Variants in GRM5 observed in about 807,000 individuals in gnomAD.
GRM5 encodes metabotropic glutamate receptor 5.
In GRM5, 19 loss-of-function variants were observed where a neutral mutation model predicts 83.1. The observed-to-expected ratio is 0.23, with a 90% confidence interval of 0.16 to 0.34. GRM5 has a LOEUF of 0.34. Ranked by LOEUF, GRM5 falls within the 10% of genes least tolerant of loss-of-function variation. The pLI, the probability that GRM5 is intolerant of heterozygous loss-of-function variation, is 1.00. For synonymous variants in GRM5, 675 were observed against 633.6 expected (o/e 1.07, Z -0.98); for missense variants, 1,160 against 1,588.3 (o/e 0.73, Z 4.58).
intron 3 of GRM5, among the ~76,000 whole-genome samples, chr11:88,825,144 C>T (rs1019590183): frequency 4.0e-5 from 6 of 151,502 alleles, no homozygotes; most frequent in African/African-American, 1.5e-4. Flanking sequence ...TTTTTATTAC[C>T]TATCTGATGG....
intron 3 of GRM5, among the ~76,000 whole-genome samples, chr11:88,742,609 G>A (rs1000061): frequency 0.55 from 83,517 of 151,856 alleles, 24,386 homozygotes; most frequent in South Asian, 0.82. Flanking sequence ...GTTCCTTTCT[G>A]TGAAGAGCCT....
chr11:88,956,615 G>A (rs1346645310), intron 2 of GRM5, among the ~76,000 whole-genome samples: 1 of 151,238 alleles, frequency 6.6e-6, no homozygotes, highest in African/African-American at 2.4e-5. Flanking sequence ...GACCATCCTG[G>A]CTAACACGGT....
intron 2 of GRM5, among the ~76,000 whole-genome samples, chr11:89,016,575 A>C (rs1206300608): frequency 6.6e-6 from 1 of 152,142 alleles, no homozygotes; most frequent in Non-Finnish European, 1.5e-5. Context: ...GTCCCTGAAA[A>C]GTAATTGTTA....
At chr11:88,791,044 A>G (rs1447786650) in intron 3 of GRM5, among the ~76,000 whole-genome samples, 2 of 152,222 alleles carry the variant, frequency 1.3e-5, no homozygotes, top group African/African-American at 4.8e-5. Context: ...AAGAAATTAC[A>G]AAAGTCTGCA....
chr11:89,040,309 A>G (rs573736884), intron 2 of GRM5, among the ~76,000 whole-genome samples: 2 of 152,328 alleles, frequency 1.3e-5, no homozygotes, highest in Admixed American at 1.3e-4. Context: ...TTCACTATCA[A>G]ATTAACAGGA....
chr11:88,821,083 A>G (rs1035025768), intron 3 of GRM5, among the ~76,000 whole-genome samples: 3 of 152,138 alleles, frequency 2.0e-5, no homozygotes, highest in Admixed American at 2.0e-4. Context: ...GGTAACAATC[A>G]ATGACCTCAG....
intron 3 of GRM5, among the ~76,000 whole-genome samples, chr11:88,669,739 G>A (rs1940144924): frequency 6.6e-6 from 1 of 151,918 alleles, no homozygotes; most frequent in Non-Finnish European, 1.5e-5. Context: ...TAAATAATAT[G>A]TGCAAGATCT....
intron 2 of GRM5, among the ~76,000 whole-genome samples, chr11:88,895,060 T>C (rs1402559783): frequency 2.6e-5 from 4 of 151,948 alleles, no homozygotes; most frequent in Non-Finnish European, 4.4e-5. Flanking sequence ...TGGATTAAAA[T>C]ATACATATTA....
intron 3 of GRM5, among the ~76,000 whole-genome samples, chr11:88,690,850 A>T (rs896944830): frequency 6.6e-6 from 1 of 152,222 alleles, no homozygotes; most frequent in African/African-American, 2.4e-5. Context: ...ATAATTGTGG[A>T]ATCCACATTC....
chr11:88,751,550 T>C (rs1353247068), intron 3 of GRM5, among the ~76,000 whole-genome samples: 1 of 152,196 alleles, frequency 6.6e-6, no homozygotes, highest in East Asian at 1.9e-4. Context: ...GTACTATTTC[T>C]ACTGAAACTA....
intron 3 of GRM5, among the ~76,000 whole-genome samples, chr11:88,847,346 C>T (rs1944316730): frequency 6.6e-6 from 1 of 152,020 alleles, no homozygotes. Context: ...ATATAGTAAA[C>T]ACTCAACATT....
At chr11:88,590,863 C>T (rs746319076) in intron 6 of GRM5, 136 bp from the exon 7 acceptor site, 29 of 509,768 alleles carry the variant, frequency 5.7e-5, no homozygotes, top group Non-Finnish European at 9.6e-5. Flanking sequence ...ATAAGCAGTA[C>T]AATTTTTAAT....
At position 88,780,502 on chromosome 11, in the gene GRM5, TC is replaced by T. The variant is rs1591511013; in HGVS notation, c.911+69403del. 2.0e-5 allele frequency among the ~76,000 whole-genome samples: 3 copies of T among 152,034 alleles called. No individual in the cohort carries two copies. In the East Asian group the frequency reaches 5.8e-4, roughly 29 times the overall value. ...TTAGCTTGTGGGTGAGTCAATCTTC[TC>T]AACTGAAAAATGGGGATAATAATAG... On this transcript the variant is annotated intron_variant, in intron 3 of 9. Transcript: ENST00000305447.
intron 3 of GRM5, among the ~76,000 whole-genome samples, chr11:88,844,847 G>T (rs531827301): frequency 6.6e-6 from 1 of 152,312 alleles, no homozygotes; most frequent in African/African-American, 2.4e-5. Flanking sequence ...GAATTAGAAA[G>T]TGAGTTCAAA....
intron 2 of GRM5, among the ~76,000 whole-genome samples, chr11:88,975,484 C>G (rs1939303426): frequency 6.6e-6 from 1 of 152,158 alleles, no homozygotes; most frequent in African/African-American, 2.4e-5. Context: ...GAATTTCTAA[C>G]AAACTCTCAC....
intron 4 of GRM5, among the ~76,000 whole-genome samples, chr11:88,635,930 T>C (rs1308382115): frequency 6.6e-6 from 1 of 152,230 alleles, no homozygotes; most frequent in Non-Finnish European, 1.5e-5. Context: ...ACTAATGTAT[T>C]AAAATTTTAG....
intron 4 of GRM5, among the ~76,000 whole-genome samples, chr11:88,617,539 C>A (rs980535498): frequency 1.3e-5 from 2 of 152,176 alleles, no homozygotes; most frequent in African/African-American, 4.8e-5. Flanking sequence ...TGACACCCTA[C>A]AAATCAGAGA....
At chr11:89,039,094 T>A (rs1435443043) in intron 2 of GRM5, among the ~76,000 whole-genome samples, 1 of 151,874 alleles carries the variant, frequency 6.6e-6, no homozygotes, top group Admixed American at 6.6e-5. Flanking sequence ...TGAAACCCCC[T>A]CTCTACTAAA....
intron 2 of GRM5, among the ~76,000 whole-genome samples, chr11:88,939,878 C>T (rs192896337): frequency 7.2e-4 from 109 of 151,720 alleles, no homozygotes; most frequent in Middle Eastern, 3.4e-3. Flanking sequence ...GCTAAAAGTA[C>T]AGAAGTGAGA....
Sources: allele counts gnomAD v4.1 joint callset (sites outside exome capture counted in the v4.1 genomes callset), GRCh38; gene constraint gnomAD v4.1.1; transcripts MANE v1.5; gene names NCBI Gene and HGNC (gene_info 2026-07-23, HGNC 2026-07-21).